MANBA: variants seen among roughly 807,000 people sequenced by gnomAD.
The protein encoded by MANBA is mannosidase beta.
In MANBA, 83 loss-of-function variants were observed where a neutral mutation model predicts 111.1. The ratio of observed to expected loss-of-function variants is 0.75; its 90% CI spans 0.63 to 0.90. The LOEUF (loss-of-function observed/expected upper bound fraction) is 0.90, where lower values mean the gene tolerates loss of function less well. Among genes scored for constraint, MANBA ranks in the 40% least tolerant of loss-of-function variants. The probability of loss-of-function intolerance (pLI) is 0.00; values close to 1 mark genes in which losing one functional copy is unlikely to be tolerated. For synonymous variants in MANBA, 370 were observed against 378.7 expected, an observed-to-expected ratio of 0.98 and a Z score of 0.27; for missense variants, 1,036 against 1,069.0, an observed-to-expected ratio of 0.97 and a Z score of 0.43.
chr4:102,757,399 A>C (rs2110215326), intron 1 of MANBA, among the ~76,000 whole-genome samples: 1 of 152,300 alleles, frequency 6.6e-6, no homozygotes, highest in East Asian at 1.9e-4. Flanking sequence ...CTAAGAAACC[A>C]AAGGTTTAGA....
At chr4:102,745,117 G>A (rs1372058407) in intron 1 of MANBA, among the ~76,000 whole-genome samples, 2 of 152,128 alleles carry the variant, frequency 1.3e-5, no homozygotes, top group Admixed American at 1.3e-4. Flanking sequence ...TCAACTGGAG[G>A]ACCACAATGA....
intron 8 of MANBA, 93 bp from the exon 9 acceptor site, chr4:102,671,491 C>T (rs1356036568): frequency 1.3e-6 from 1 of 761,346 alleles, no homozygotes. Flanking sequence ...GAAAAACACA[C>T]TCTAAAATCA....
intron 1 of MANBA, among the ~76,000 whole-genome samples, chr4:102,748,883 A>C (rs992464294): frequency 6.6e-6 from 1 of 152,196 alleles, no homozygotes; most frequent in Admixed American, 6.5e-5. Context: ...ATTGCACTCC[A>C]GCCTGGGTGA....
At chr4:102,688,639 C>T (rs182730115) in intron 7 of MANBA, among the ~76,000 whole-genome samples, 3 of 152,240 alleles carry the variant, frequency 2.0e-5, no homozygotes. Context: ...AACTATATGC[C>T]ATGACTCTTA....
At chr4:102,707,310 G>T (rs981541820) in intron 5 of MANBA, among the ~76,000 whole-genome samples, 1 of 152,134 alleles carries the variant, frequency 6.6e-6, no homozygotes, top group African/African-American at 2.4e-5. Context: ...ACAGCTCCCA[G>T]CCAAGGATGC....
intron 1 of MANBA, among the ~76,000 whole-genome samples, chr4:102,735,104 C>A (rs556428119): frequency 6.6e-6 from 1 of 152,184 alleles, no homozygotes; most frequent in Non-Finnish European, 1.5e-5. Flanking sequence ...GGCCAAAACG[C>A]CATGGCCATG....
intron 14 of MANBA, among the ~76,000 whole-genome samples, chr4:102,638,685 T>G (rs572195355): frequency 3.9e-5 from 6 of 152,156 alleles, no homozygotes; most frequent in Non-Finnish European, 7.3e-5. Flanking sequence ...CCCAGAAGGA[T>G]TTTCCCCCCA....
chr4:102,672,224 A>T, intron 8 of MANBA: 2 of 396,884 alleles, frequency 5.0e-6, no homozygotes. Flanking sequence ...GTTACTGATG[A>T]CATTTACATT....
At chr4:102,657,222 T>TGGGGG (rs1553944231) in intron 12 of MANBA, among the ~76,000 whole-genome samples, 2 of 52,190 alleles carry the variant, frequency 3.8e-5, no homozygotes, top group African/African-American at 7.5e-5. Context: ...AGGAGTGGGG[T>TGGGGG]GGGGGGGGGG....
chr4:102,717,112 T>C lies in MANBA; in HGVS notation c.550-2551A>G, dbSNP rs187015177. On this transcript the variant is annotated intron_variant, in intron 4 of 16. Transcript: ENST00000647097. ...ATCAACATCTTATGAGGGAGACTAT[T>C]TTCCCCATTAAGAGCTACAAATCAC... is the stretch of plus-strand genomic sequence containing the variant. 5.3e-5 allele frequency among the ~76,000 whole-genome samples: 8 copies of C among 152,270 alleles called. No homozygotes were observed. The East Asian group carries it at 1.5e-3, about 29-fold the overall frequency.
intron 13 of MANBA, among the ~76,000 whole-genome samples, chr4:102,642,949 T>G (rs1396291179): frequency 6.6e-6 from 1 of 152,240 alleles, no homozygotes; most frequent in Middle Eastern, 3.2e-3. Flanking sequence ...AAAGCTGTTT[T>G]AAAACCAAGA....
At chr4:102,706,499 G>T (rs1733303104) in intron 5 of MANBA, among the ~76,000 whole-genome samples, 3 of 152,146 alleles carry the variant, frequency 2.0e-5, no homozygotes, top group Admixed American at 6.5e-5. Context: ...TAGAAGAAGT[G>T]GTTGTTATAC....
intron 1 of MANBA, among the ~76,000 whole-genome samples, chr4:102,736,095 C>A (rs1294736933): frequency 6.6e-6 from 1 of 152,064 alleles, no homozygotes; most frequent in Admixed American, 6.5e-5. Context: ...ATTATCATAC[C>A]CATTTACCAA....
chr4:102,652,179 T>A (rs1404673201), intron 12 of MANBA, among the ~76,000 whole-genome samples: 1 of 152,208 alleles, frequency 6.6e-6, no homozygotes, highest in East Asian at 1.9e-4. Context: ...CAAAGTGCTA[T>A]AGAACACCAG....
intron 1 of MANBA, among the ~76,000 whole-genome samples, chr4:102,758,270 G>C (rs951303727): frequency 6.6e-6 from 1 of 151,970 alleles, no homozygotes; most frequent in Non-Finnish European, 1.5e-5. Flanking sequence ...TTTACCACTC[G>C]ATTTCAAGTA....
chr4:102,637,635 A>C (rs1191497906), intron 14 of MANBA, among the ~76,000 whole-genome samples: 2 of 152,236 alleles, frequency 1.3e-5, no homozygotes. Context: ...GCTGACAGAA[A>C]GAGGAACAAG....
chr4:102,717,363 GAA>G (rs761413963), intron 4 of MANBA, among the ~76,000 whole-genome samples: 10 of 111,358 alleles, frequency 9.0e-5, no homozygotes, highest in Admixed American at 1.8e-4. Flanking sequence ...GAGTTTTCCT[GAA>G]AAAAAAAAAA....
chr4:102,723,147 A>C (rs111400800), intron 3 of MANBA, 106 bp from the exon 4 acceptor site: 19 of 1,012,054 alleles, frequency 1.9e-5, no homozygotes, highest in African/African-American at 6.4e-5. Context: ...TATAATGCCG[A>C]TCTAGGTTTA....
intron 7 of MANBA, among the ~76,000 whole-genome samples, chr4:102,679,410 A>T (rs1186059488): frequency 2.0e-5 from 3 of 152,252 alleles, no homozygotes; most frequent in East Asian, 3.9e-4. Context: ...AGACATTAAA[A>T]ATTTTCTTTC....
Sources: allele counts gnomAD v4.1 joint callset (sites outside exome capture counted in the v4.1 genomes callset), GRCh38; gene constraint gnomAD v4.1.1; transcripts MANE v1.5; gene names NCBI Gene and HGNC (gene_info 2026-07-23, HGNC 2026-07-21).